CCDC27: variants seen among roughly 807,000 people sequenced by gnomAD.
CCDC27 encodes the protein coiled-coil domain-containing protein 27.
Under a neutral mutation model 80.3 loss-of-function variants are expected in CCDC27, and 80 were observed. That is an observed-to-expected ratio of 1.00 (90% confidence interval 0.83 to 1.20). CCDC27 has a LOEUF of 1.20. Ranked by LOEUF, CCDC27 falls within the 50% of genes most tolerant of loss-of-function variation. The pLI, the probability that CCDC27 is intolerant of heterozygous loss-of-function variation, is 0.00. For synonymous variants in CCDC27, 342 were observed against 334.3 expected (o/e 1.02, Z -0.25); for missense variants, 815 against 809.4 (o/e 1.01, Z -0.08).
Position 3,766,148 on chromosome 1 carries a change from G to C in CCDC27, c.1453-387G>C, listed in dbSNP as rs375047036. On this transcript the variant is annotated intron_variant, in intron 8 of 11. Coordinates refer to ENST00000294600, the MANE Select transcript of CCDC27 (RefSeq NM_152492.3). This position sits in a 1 kb window ranked among gnomAD's most constrained non-coding sequence, Gnocchi z 6.1. ...TCTAAAGTGCTGGGATTACAGGTGTGAGCCACTGCACGTGGCCTAGGGCTC... is the reference window on the plus strand; with the variant it reads ...TCTAAAGTGCTGGGATTACAGGTGTCAGCCACTGCACGTGGCCTAGGGCTC... Among the ~76,000 whole-genome samples, 1 of 152,220 alleles carries C rather than the reference G, an allele frequency of 6.6e-6. No homozygotes were observed. The highest frequency in any genetic ancestry group is 1.5e-5 in the Non-Finnish European group (1 of 68,040).
chr1:3,770,822 A>G (rs1204273415), intron 11 of CCDC27, among the ~76,000 whole-genome samples: 4 of 65,978 alleles, frequency 6.1e-5, no homozygotes, highest in Non-Finnish European at 6.4e-5. Flanking sequence ...GGGGAGAGAA[A>G]GAGGAAGAGA....
chr1:3,757,654 G>T, intron 4 of CCDC27, among the ~76,000 whole-genome samples: 1 of 151,998 alleles, frequency 6.6e-6, no homozygotes, highest in South Asian at 2.1e-4. Flanking sequence ...CAGGCGAGGT[G>T]GCTCACGCCT....
At chr1:3,759,165 T>A (rs1643030336) in intron 4 of CCDC27, among the ~76,000 whole-genome samples, 1 of 151,608 alleles carries the variant, frequency 6.6e-6, no homozygotes, top group African/African-American at 2.4e-5. Flanking sequence ...TTCAGTGAGC[T>A]GAGATCGAGC....
rs1236525440 is a variant in CCDC27 at position 3,768,060 on chromosome 1, C to A, written c.1743+615C>A. Among the ~76,000 whole-genome samples, 2 of 150,420 alleles carry A rather than the reference C, an allele frequency of 1.3e-5. No homozygotes were observed. Among genetic ancestry groups the A allele is most frequent in the Non-Finnish European group, 3.0e-5 (2 of 67,790 alleles). Reference sequence around the variant, plus strand: ...GTGCCCTGCTTGTGAGGGCCCCATGCCAAAAAGGAAATCAATAAAGAGCTG... The same window carrying A: ...GTGCCCTGCTTGTGAGGGCCCCATGACAAAAAGGAAATCAATAAAGAGCTG... On this transcript the variant is annotated intron_variant, in intron 10 of 11. Transcript: ENST00000294600. This position sits in a 1 kb window ranked among gnomAD's most constrained non-coding sequence, Gnocchi z 5.6.
chr1:3,759,460 TC>T (rs1643037464), intron 4 of CCDC27, among the ~76,000 whole-genome samples: 1 of 152,230 alleles, frequency 6.6e-6, no homozygotes, highest in Admixed American at 6.5e-5. Flanking sequence ...CCTTTCTTTT[TC>T]CCCATTGGTC....
intron 4 of CCDC27, among the ~76,000 whole-genome samples, chr1:3,757,978 C>T (rs2124591640): frequency 6.6e-6 from 1 of 151,426 alleles, no homozygotes; most frequent in East Asian, 2.0e-4. Flanking sequence ...AGGTCTCGAA[C>T]TCCTGGGCTC....
chr1:3,763,111 CAGG>C lies in CCDC27; in HGVS notation c.964_966del (p.Glu322del), dbSNP rs756563901. The C allele has an allele frequency of 3.3e-5, 49 of 1,474,108 alleles. No individual in the cohort carries two copies. Among genetic ancestry groups the C allele is most frequent in the Middle Eastern group, 1.9e-4 (1 of 5,292 alleles). The allele number at this position is 1,474,108 out of a possible 1,614,324, so 91.3% of individuals were successfully genotyped here. A position where few individuals can be genotyped will look rare whatever the true frequency, so the allele number is the denominator to read the frequency against. On this transcript the variant is annotated inframe_deletion, in exon 7 of 12. Transcript: ENST00000294600. The surrounding 1 kb of genome is among the most constrained non-coding windows in gnomAD (Gnocchi z 7.5). ...CCCTGCCCTACCCATCTTACAGATG[CAGG>C]AGGAGTCTGCGGCACCGGAGAGGGG...
At position 3,752,531 on chromosome 1, in the gene CCDC27, A is replaced by T. The variant is rs1231262627; in HGVS notation, c.50A>T (p.Asp17Val). 1.2e-6 allele frequency: 2 copies of T among 1,614,066 alleles called. No individual in the cohort carries two copies. Among genetic ancestry groups the T allele is most frequent in the Non-Finnish European group, 1.7e-6 (2 of 1,180,028 alleles). ...ACACCCCAAGCCAGGCTGAAGAGAG[A>T]TCCACGGGAAAAGCCGGGCCTGTCC... is the stretch of plus-strand genomic sequence containing the variant. ...PSTPQARLKR[D>V]PREKPGLSSF... The change falls in exon 1 of 12, where the codon GAT becomes GTT. Residue 17 changes from aspartate (D) to valine (V), a missense_variant. Physicochemically the swap from Asp to Val is radical, Grantham distance 152 (BLOSUM62 -3). Coordinates refer to ENST00000294600, the MANE Select transcript of CCDC27 (RefSeq NM_152492.3).
intron 4 of CCDC27, among the ~76,000 whole-genome samples, chr1:3,759,543 T>C (rs1643040272): frequency 2.0e-5 from 3 of 152,242 alleles, no homozygotes; most frequent in African/African-American, 4.8e-5. Flanking sequence ...TTTTCTCTAG[T>C]GTCTGCTTCC....
Position 3,752,698 on chromosome 1 carries a change from A to T in CCDC27, c.217A>T (p.Met73Leu). The change falls in exon 1 of 12, where the codon ATG (methionine) becomes TTG (leucine). Residue 73 changes from methionine (M) to leucine (L), a missense_variant. Transcript: ENST00000294600. ...MARALVLLQS[M>L]ASRDARCPEW... Reference sequence around the variant, plus strand: ...CAGGGCCCTGGTGCTCCTCCAGAGCATGGCCAGCCGGGACGCCCGGTGCCC... The same window carrying T: ...CAGGGCCCTGGTGCTCCTCCAGAGCTTGGCCAGCCGGGACGCCCGGTGCCC... 2 of 1,613,966 alleles carry T rather than the reference A, an allele frequency of 1.2e-6. No homozygotes were observed. The highest frequency in any genetic ancestry group is 2.7e-5 in the African/African-American group (2 of 75,064).
In CCDC27 at chr1:3,766,416, A is replaced by C; in HGVS notation, c.1453-119A>C. 1.5e-6 allele frequency: 1 copy of C among 651,924 alleles called. No homozygotes were observed. 40.4% of individuals were successfully genotyped at this position (651,924 alleles called of 1,614,324 possible). A position where few individuals can be genotyped will look rare whatever the true frequency, so the allele number is the denominator to read the frequency against. Reference sequence around the variant, plus strand: ...TTCTTCTCTTCTCCCTGCCTTCAATAGAAATCCCGCTGCTATTATTTTAGG... The same window carrying C: ...TTCTTCTCTTCTCCCTGCCTTCAATCGAAATCCCGCTGCTATTATTTTAGG... On this transcript the variant is annotated intron_variant, in intron 8 of 11. Transcript: ENST00000294600. This position sits in a 1 kb window ranked among gnomAD's most constrained non-coding sequence, Gnocchi z 6.1.
At position 3,762,828 on chromosome 1, in the gene CCDC27, G is replaced by T. The variant is rs376119454; in HGVS notation, c.954+116G>T. 2.9e-5 allele frequency: 30 copies of T among 1,035,446 alleles called. 1 individual carries two copies. The highest frequency in any genetic ancestry group is 1.8e-4 in the South Asian group (11 of 61,442). The allele number at this position is 1,035,446 out of a possible 1,614,324, so 64.1% of individuals were successfully genotyped here. ...GTCCCTGCTGCAGCCCTGACCTGGG[G>T]TGCCCCACTCCAGGGGAGCAGGTGA... is the stretch of plus-strand genomic sequence containing the variant. On this transcript the variant is annotated intron_variant, in intron 6 of 11. Transcript: ENST00000294600.
chr1:3,763,979 G>T lies in CCDC27; in HGVS notation c.1452+143G>T, dbSNP rs1643164821. The T allele has an allele frequency of 7.2e-7, 1 of 1,388,058 alleles. No homozygotes were observed. Among genetic ancestry groups the T allele is most frequent in the East Asian group, 2.6e-5 (1 of 39,030 alleles). The allele number at this position is 1,388,058 out of a possible 1,614,324, so 86.0% of individuals were successfully genotyped here. A position where few individuals can be genotyped will look rare whatever the true frequency, so the allele number is the denominator to read the frequency against. On this transcript the variant is annotated intron_variant, in intron 8 of 11. Coordinates refer to ENST00000294600, the MANE Select transcript of CCDC27 (RefSeq NM_152492.3). The surrounding 1 kb of genome is among the most constrained non-coding windows in gnomAD (Gnocchi z 7.5). ...TGGGGTGTCCAGGCAGCTGGCCCAG[G>T]GTTGTGCGGCTGATAGCGGCCCCGC... is the stretch of plus-strand genomic sequence containing the variant.
At position 3,760,305 on chromosome 1, in the gene CCDC27, G is replaced by A. The variant is rs1277018828; in HGVS notation, c.712-976G>A. Among the ~76,000 whole-genome samples the A allele has an allele frequency of 4.0e-5, 6 of 151,894 alleles. No individual in the cohort carries two copies. Among genetic ancestry groups the A allele is most frequent in the Admixed American group, 6.6e-5 (1 of 15,240 alleles). On this transcript the variant is annotated intron_variant, in intron 4 of 11. Coordinates refer to ENST00000294600, the MANE Select transcript of CCDC27 (RefSeq NM_152492.3). This position sits in a 1 kb window ranked among gnomAD's most constrained non-coding sequence, Gnocchi z 4.3. ...TTCCCCAAATGTTAAATGTGGCCAC[G>A]TTTGCTTTATCCTTCTCTCCTCTCT...
Position 3,769,370 on chromosome 1 carries a change from T to G in CCDC27, c.1744-413T>G, listed in dbSNP as rs893450236. 6.6e-6 allele frequency among the ~76,000 whole-genome samples: 1 copy of G among 151,976 alleles called. No homozygotes were observed. Among genetic ancestry groups the G allele is most frequent in the South Asian group, 2.1e-4 (1 of 4,820 alleles). ...GCAGCGCACTGTTAAATGCCTAAAGTGAGAGTGTCCCCAAGGGCCAGGAAG... is the reference window on the plus strand; with the variant it reads ...GCAGCGCACTGTTAAATGCCTAAAGGGAGAGTGTCCCCAAGGGCCAGGAAG... On this transcript the variant is annotated intron_variant, in intron 10 of 11. Coordinates refer to ENST00000294600, the MANE Select transcript of CCDC27 (RefSeq NM_152492.3). The surrounding 1 kb of genome is among the most constrained non-coding windows in gnomAD (Gnocchi z 4.6).
At chr1:3,756,179 A>C (rs1642947831) in intron 3 of CCDC27, 2 of 154,804 alleles carry the variant, frequency 1.3e-5, no homozygotes, top group African/African-American at 4.8e-5. Context: ...GTCTCTACTA[A>C]AAACACAAAA....
chr1:3,759,996 C>G (rs1643049372), intron 4 of CCDC27, among the ~76,000 whole-genome samples: 1 of 152,234 alleles, frequency 6.6e-6, no homozygotes, highest in Non-Finnish European at 1.5e-5. Context: ...TATCTCCTCT[C>G]TGCCTTCGTC....
chr1:3,754,608 G>GC lies in CCDC27; in HGVS notation c.442+371dup, dbSNP rs534319825. On this transcript the variant is annotated intron_variant, in intron 2 of 11. Transcript: ENST00000294600. ...AGCCAGATAGCTCATTAGGGACAGT[G>GC]CCCCTGGGGAGCCCTAGCAGCTATC... 5.9e-5 allele frequency among the ~76,000 whole-genome samples: 9 copies of GC among 152,276 alleles called. No homozygotes were observed. The East Asian group carries it at 1.5e-3, about 26-fold the overall frequency.
At position 3,763,283 on chromosome 1, in the gene CCDC27, A is replaced by G; in HGVS notation, c.1130A>G (p.Glu377Gly). ...GGAAGCGAGGAGGAGGAAGAGGAGGAAGGGGACAGGGATGAGGACTCAGAG... is the reference window on the plus strand; with the variant it reads ...GGAAGCGAGGAGGAGGAAGAGGAGGGAGGGGACAGGGATGAGGACTCAGAG... ...EEGSEEEEEE[E>G]GDRDEDSEER... The change falls in exon 7 of 12, where the codon GAA becomes GGA. Residue 377 changes from glutamate to glycine, a missense_variant. Glu to Gly is a moderately conservative substitution (Grantham distance 98, BLOSUM62 -2). Transcript: ENST00000294600. This position sits in a 1 kb window ranked among gnomAD's most constrained non-coding sequence, Gnocchi z 7.5. 6 of 1,596,044 alleles carry G rather than the reference A, an allele frequency of 3.8e-6. No homozygotes were observed. Among genetic ancestry groups the G allele is most frequent in the Non-Finnish European group, 5.1e-6 (6 of 1,170,818 alleles).
Sources: gnomAD v4.1 joint callset for allele counts (sites outside exome capture counted in the v4.1 genomes callset) on GRCh38, gnomAD v4.1.1 for gene constraint, Gnocchi (gnomAD v3.1) non-coding constraint, MANE v1.5 for transcripts, NCBI Gene and HGNC (gene_info 2026-07-23, HGNC 2026-07-21) for gene names.